GABRG3: variants seen among roughly 807,000 people sequenced by gnomAD.
GABRG3 encodes the protein gamma-aminobutyric acid receptor subunit gamma-3.
Under a neutral mutation model 48.8 loss-of-function variants are expected in GABRG3, and 25 were observed. That is an observed-to-expected ratio of 0.51 (90% CI 0.37 to 0.72). GABRG3 has a LOEUF of 0.72. GABRG3 is among the 30% of genes least tolerant of loss of function. The pLI, the probability that GABRG3 is intolerant of heterozygous loss-of-function variation, is 0.00. For synonymous variants in GABRG3, 227 were observed against 217.6 expected (o/e 1.04, Z -0.38); for missense variants, 394 against 577.9 (o/e 0.68, Z 3.26).
intron 5 of GABRG3, among the ~76,000 whole-genome samples, chr15:27,359,031 G>T (rs1023569995): frequency 6.6e-6 from 1 of 152,252 alleles, no homozygotes; most frequent in Non-Finnish European, 1.5e-5. Flanking sequence ...TCTGGTGGCT[G>T]CCTGCACTGC....
intron 5 of GABRG3, among the ~76,000 whole-genome samples, chr15:27,340,087 A>C (rs1233240118): frequency 6.6e-6 from 1 of 152,050 alleles, no homozygotes; most frequent in Non-Finnish European, 1.5e-5. Flanking sequence ...AAACCCCTCT[A>C]AACCTCCCTT....
At chr15:27,141,351 C>T (rs565998436) in intron 3 of GABRG3, among the ~76,000 whole-genome samples, 2 of 152,108 alleles carry the variant, frequency 1.3e-5, no homozygotes, top group Non-Finnish European at 2.9e-5. Flanking sequence ...ATTGGAGTGT[C>T]TGTTTTTCTA....
At chr15:27,453,084 A>T (rs1889157139) in intron 5 of GABRG3, among the ~76,000 whole-genome samples, 1 of 152,242 alleles carries the variant, frequency 6.6e-6, no homozygotes, top group Non-Finnish European at 1.5e-5. Context: ...GGAATCTAAA[A>T]GAGTCCAACT....
chr15:27,164,689 A>T (rs1241978478), intron 3 of GABRG3, among the ~76,000 whole-genome samples: 1 of 152,250 alleles, frequency 6.6e-6, no homozygotes, highest in Non-Finnish European at 1.5e-5. Flanking sequence ...AATGTCCTGC[A>T]TTCTGCAATA....
chr15:27,112,545 A>G (rs1205217285), intron 3 of GABRG3, among the ~76,000 whole-genome samples: 1 of 149,440 alleles, frequency 6.7e-6, no homozygotes, highest in African/African-American at 2.5e-5. Flanking sequence ...GGTTCAAGCG[A>G]TTCTCCTGCC....
In GABRG3 at chr15:27,113,371, T is replaced by C. The variant is rs189471680; in HGVS notation, c.270+86550T>C. On this transcript the variant is annotated intron_variant, in intron 3 of 9. Coordinates refer to ENST00000615808, the MANE Select transcript of GABRG3 (RefSeq NM_033223.5). ...AGTGACCCCCTTTCTGGTCTGCTCA[T>C]AGACTGACTTGATAGCCATGTATGT... 3.7e-4 allele frequency among the ~76,000 whole-genome samples: 56 copies of C among 152,310 alleles called. No homozygotes were observed. In the East Asian group the frequency reaches 0.01, roughly 28 times the overall value.
chr15:27,098,015 A>G (rs1897294543), intron 3 of GABRG3, among the ~76,000 whole-genome samples: 1 of 152,016 alleles, frequency 6.6e-6, no homozygotes, highest in African/African-American at 2.4e-5. Flanking sequence ...TGTAACAACA[A>G]AGTCCTGGGT....
Position 27,520,157 on chromosome 15 carries a change from C to T in GABRG3, c.865+33C>T, listed in dbSNP as rs376673418. The T allele has an allele frequency of 5.6e-5, 87 of 1,566,940 alleles. 1 individual carries two copies. The highest frequency in any genetic ancestry group is 9.7e-5 in the Admixed American group (5 of 51,608). ...TCAAAAAATCTCTTCCACAAATTTG[C>T]GTAATTGTAATATAGAAGCATTCAT... On this transcript the variant is annotated intron_variant, in intron 7 of 9. Transcript: ENST00000615808.
At chr15:27,145,634 T>TATCTATCTATCTATCTA (rs1898193603) in intron 3 of GABRG3, among the ~76,000 whole-genome samples, 1 of 86,572 alleles carries the variant, frequency 1.2e-5, no homozygotes, top group African/African-American at 3.3e-5. Context: ...TCTATCTATC[T>TATCTATCTATCTATCTA]ATCTATCTAT....
chr15:27,295,836 G>A (rs1891964551), intron 3 of GABRG3, among the ~76,000 whole-genome samples: 2 of 152,188 alleles, frequency 1.3e-5, no homozygotes, highest in South Asian at 4.1e-4. Flanking sequence ...GGGGGAAAGG[G>A]TAAGTGTGAT....
chr15:27,202,129 A>G (rs761116789), intron 3 of GABRG3, among the ~76,000 whole-genome samples: 27 of 152,194 alleles, frequency 1.8e-4, no homozygotes, highest in Non-Finnish European at 2.2e-4. Context: ...AAGAGAACCA[A>G]CGGAAGTGAC....
intron 2 of GABRG3, among the ~76,000 whole-genome samples, chr15:27,010,801 A>G (rs369592356): frequency 1.3e-5 from 2 of 152,204 alleles, no homozygotes; most frequent in East Asian, 1.9e-4. Flanking sequence ...GGTCCTTGAC[A>G]TAACTCAGAG....
chr15:27,149,027 A>G (rs991115164), intron 3 of GABRG3, among the ~76,000 whole-genome samples: 6 of 152,090 alleles, frequency 3.9e-5, no homozygotes, highest in African/African-American at 1.4e-4. Flanking sequence ...TAAAATGATA[A>G]AAGTCGTATT....
At chr15:27,413,609 C>T (rs1555379259) in intron 5 of GABRG3, among the ~76,000 whole-genome samples, 2 of 151,802 alleles carry the variant, frequency 1.3e-5, no homozygotes, top group Non-Finnish European at 2.9e-5. Context: ...TAATTGGGCC[C>T]TTTTTTTTAA....
intron 3 of GABRG3, among the ~76,000 whole-genome samples, chr15:27,221,835 G>T (rs1318467268): frequency 6.6e-6 from 1 of 152,232 alleles, no homozygotes; most frequent in East Asian, 1.9e-4. Context: ...CATCCAGATG[G>T]CAAATAAAGA....
chr15:27,238,617 A>G (rs1429229359), intron 3 of GABRG3, among the ~76,000 whole-genome samples: 4 of 152,240 alleles, frequency 2.6e-5, no homozygotes, highest in Non-Finnish European at 4.4e-5. Flanking sequence ...CCTAAGTTGT[A>G]TAGACATGTC....
intron 3 of GABRG3, among the ~76,000 whole-genome samples, chr15:27,087,593 G>A (rs749186185): frequency 2.6e-5 from 4 of 152,206 alleles, no homozygotes; most frequent in Non-Finnish European, 4.4e-5. Flanking sequence ...GTGTGTGCAT[G>A]TCAGGGTGAA....
intron 3 of GABRG3, among the ~76,000 whole-genome samples, chr15:27,291,801 C>T (rs1891800715): frequency 6.6e-6 from 1 of 152,294 alleles, no homozygotes; most frequent in African/African-American, 2.4e-5. Context: ...ACTGTTGGAT[C>T]AGCTCTCCAA....
chr15:27,070,048 T>C (rs912882370), intron 3 of GABRG3, among the ~76,000 whole-genome samples: 1 of 152,160 alleles, frequency 6.6e-6, no homozygotes, highest in African/African-American at 2.4e-5. Context: ...GAGAGAATTG[T>C]GTGTTGTGAA....
Sources: allele counts gnomAD v4.1 joint callset (sites outside exome capture counted in the v4.1 genomes callset), GRCh38; gene constraint gnomAD v4.1.1; transcripts MANE v1.5; gene names NCBI Gene and HGNC (gene_info 2026-07-23, HGNC 2026-07-21).